PLPP5: variants seen among roughly 807,000 people sequenced by gnomAD.
PLPP5 encodes diacylglycerol pyrophosphate like 1.
Under a neutral mutation model 23.6 loss-of-function variants are expected in PLPP5, and 29 were observed. That is an observed-to-expected ratio of 1.23 (90% CI 0.92 to 1.68). The LOEUF is 1.68. Among genes scored for constraint, PLPP5 ranks in the 40% most tolerant of loss-of-function variants. The probability of loss-of-function intolerance (pLI) is 0.00; values close to 1 mark genes in which losing one functional copy is unlikely to be tolerated. For synonymous variants in PLPP5, 143 were observed against 131.3 expected (o/e 1.09, Z -0.61); for missense variants, 315 against 332.1 (o/e 0.95, Z 0.40).
chr8:38,263,637 A>T lies in PLPP5; in HGVS notation c.*807T>A, dbSNP rs905776267. 10 of 985,332 alleles carry T rather than the reference A, an allele frequency of 1.0e-5. No individual in the cohort carries two copies. In the African/African-American group the frequency reaches 1.7e-4, roughly 17 times the overall value. 61.0% of individuals were successfully genotyped at this position (985,332 alleles called of 1,614,324 possible). A position where few individuals can be genotyped will look rare whatever the true frequency, so the allele number is the denominator to read the frequency against. ...GCACACAAAAGTGATAAATTACCCT[A>T]GATTCGACATTTTCCTATTTAAGGC... is the stretch of plus-strand genomic sequence containing the variant. On this transcript the variant is annotated 3_prime_UTR_variant, in exon 7 of 7. Transcript: ENST00000424479.
chr8:38,267,173 A>G (rs15103), intron 5 of PLPP5, 94 bp downstream of exon 5: 3 of 1,607,454 alleles, frequency 1.9e-6, no homozygotes, highest in African/African-American at 2.7e-5. Context: ...TGTAGAAACA[A>G]GAGTAGTCAG....
chr8:38,264,406 T>A lies in PLPP5; in HGVS notation c.*38A>T. ...CCTCAGCCTCCCAAAGTGTTGGGAT[T>A]ACAGGCATGAGCCACCACGCCCGGC... On this transcript the variant is annotated 3_prime_UTR_variant, in exon 7 of 7. Coordinates refer to ENST00000424479, the MANE Select transcript of PLPP5 (RefSeq NM_001102559.2). 6.7e-7 allele frequency: 1 copy of A among 1,495,900 alleles called. No individual in the cohort carries two copies. 92.7% of individuals were successfully genotyped at this position (1,495,900 alleles called of 1,614,324 possible). A position where few individuals can be genotyped will look rare whatever the true frequency, so the allele number is the denominator to read the frequency against.
Position 38,268,964 on chromosome 8 carries a change from T to A in PLPP5, c.101A>T (p.Gln34Leu), listed in dbSNP as rs774979050. 6.4e-7 allele frequency: 1 copy of A among 1,566,748 alleles called. No individual in the cohort carries two copies. Among genetic ancestry groups the A allele is most frequent in the Non-Finnish European group, 8.6e-7 (1 of 1,162,272 alleles). Reference sequence around the variant, plus strand: ...CATCTCCTCCGGCTGGATGAGTCTCTGGAACGGGGGGAGCAGCTCCGTCAC... The same window carrying A: ...CATCTCCTCCGGCTGGATGAGTCTCAGGAACGGGGGGAGCAGCTCCGTCAC... Reference protein sequence around the residue: ...FLVTELLPPFQRLIQPEEMWL... With the variant: ...FLVTELLPPFLRLIQPEEMWL... The change falls in exon 2 of 7, where the codon CAG becomes CTG. Residue 34 changes from glutamine to leucine, a missense_variant. By Grantham distance (113) the Gln-to-Leu change is moderately radical (BLOSUM62 -2). Coordinates refer to ENST00000424479, the MANE Select transcript of PLPP5 (RefSeq NM_001102559.2).
chr8:38,264,437 T>A lies in PLPP5; in HGVS notation c.*7A>T, dbSNP rs1165708452. On this transcript the variant is annotated 3_prime_UTR_variant, in exon 7 of 7. Transcript: ENST00000424479. Reference sequence around the variant, plus strand: ...CATGAGCCACCACGCCCGGCCAGATTCAATTTTTAAATATCAAAACAATAA... The same window carrying A: ...CATGAGCCACCACGCCCGGCCAGATACAATTTTTAAATATCAAAACAATAA... 6.5e-7 allele frequency: 1 copy of A among 1,543,390 alleles called. No individual in the cohort carries two copies. Among genetic ancestry groups the A allele is most frequent in the East Asian group, 2.5e-5 (1 of 40,794 alleles).
At position 38,267,289 on chromosome 8, in the gene PLPP5, G is replaced by A. The variant is rs1807771712; in HGVS notation, c.441C>T (p.Ser147=). Residue 147 remains serine (S), a synonymous_variant, in exon 5 of 7, where the codon AGC becomes AGT. Transcript: ENST00000424479. ...DKDVVNEGRK[S]FPSGHSSFAF... ...TACAGGAAGAATGTCCACTGGGGAAGCTCTTTCGGCCCTCATTCACCACGT... is the reference window on the plus strand; with the variant it reads ...TACAGGAAGAATGTCCACTGGGGAAACTCTTTCGGCCCTCATTCACCACGT... 1 of 1,614,008 alleles carries A rather than the reference G, an allele frequency of 6.2e-7. No individual in the cohort carries two copies.
chr8:38,269,083 TG>T, intron 1 of PLPP5, 42 bp downstream of exon 1: 1 of 1,527,460 alleles, frequency 6.5e-7, no homozygotes, highest in Non-Finnish European at 8.8e-7. Flanking sequence ...CCCGCCTGCC[TG>T]GGAAGCGGGG....
intron 2 of PLPP5, chr8:38,268,662 A>G (rs374589728): frequency 1.4e-6 from 2 of 1,432,838 alleles, no homozygotes; most frequent in Non-Finnish European, 9.1e-7. Context: ...GCTGAGGCAC[A>G]GAGCGCCCGG....
At chr8:38,268,077 G>T in intron 3 of PLPP5, 117 bp from the exon 4 acceptor site, 1 of 1,531,530 alleles carries the variant, frequency 6.5e-7, no homozygotes, top group Admixed American at 2.2e-5. Flanking sequence ...CCAGGCCTGG[G>T]CACAAAAATA....
At chr8:38,268,791 C>A in intron 2 of PLPP5, 91 bp downstream of exon 2, 1 of 1,446,080 alleles carries the variant, frequency 6.9e-7, no homozygotes, top group South Asian at 1.5e-5. Context: ...CAGTGGGTCC[C>A]TACAAAGGCC....
chr8:38,268,038 G>A (rs1807950025), intron 3 of PLPP5, 78 bp from the exon 4 acceptor site: 4 of 1,604,944 alleles, frequency 2.5e-6, no homozygotes, highest in Admixed American at 1.7e-5. Context: ...GAGAGCAGCC[G>A]TGCTGTTTCT....
At position 38,266,134 on chromosome 8, in the gene PLPP5, T is replaced by G; in HGVS notation, c.634+7A>C. ...GCAAGCTTCCATAGCCTGAGTACTT[T>G]GCTTACCTTGCCAGTGATGCTTGTA... On this transcript the variant is annotated splice_region_variant and intron_variant, in intron 6 of 6. Coordinates refer to ENST00000424479, the MANE Select transcript of PLPP5 (RefSeq NM_001102559.2). The G allele has an allele frequency of 1.9e-6, 3 of 1,613,696 alleles. No individual in the cohort carries two copies. The highest frequency in any genetic ancestry group is 2.5e-6 in the Non-Finnish European group (3 of 1,179,692).
At chr8:38,267,566 T>G in intron 4 of PLPP5, 175 bp from the exon 5 acceptor site, 2 of 769,830 alleles carry the variant, frequency 2.6e-6, no homozygotes, top group Non-Finnish European at 4.0e-6. Flanking sequence ...AGGTGAGCAT[T>G]TAAATTAGGG....
Position 38,269,164 on chromosome 8 carries a change from G to C in PLPP5, c.36C>G (p.Ala12=), listed in dbSNP as rs1269724967. ...ACAGCGCGAGCCGCACGCCCACTTCGGCCCCAAAGGCCACCGCCGCCGCCG... is the reference window on the plus strand; with the variant it reads ...ACAGCGCGAGCCGCACGCCCACTTCCGCCCCAAAGGCCACCGCCGCCGCCG... ...GKAAAAVAFG[A]EVGVRLALFA... is the part of the protein sequence containing the mutation. Residue 12 remains alanine, a synonymous_variant, in exon 1 of 7, where the codon GCC becomes GCG. Coordinates refer to ENST00000424479, the MANE Select transcript of PLPP5 (RefSeq NM_001102559.2). The C allele has an allele frequency of 3.1e-5, 47 of 1,509,634 alleles. No individual in the cohort carries two copies. Among genetic ancestry groups the C allele is most frequent in the Middle Eastern group, 2.1e-4 (1 of 4,658 alleles). The allele number at this position is 1,509,634 out of a possible 1,614,324, so 93.5% of individuals were successfully genotyped here.
chr8:38,269,177 A>ACCG lies in PLPP5; in HGVS notation c.20_22dup (p.Ala7dup), dbSNP rs897503129. 111 of 1,505,046 alleles carry ACCG rather than the reference A, an allele frequency of 7.4e-5. No homozygotes were observed. The highest frequency in any genetic ancestry group is 6.7e-4 in the Middle Eastern group (3 of 4,490). 93.2% of individuals were successfully genotyped at this position (1,505,046 alleles called of 1,614,324 possible). On this transcript the variant is annotated inframe_insertion, in exon 1 of 7. Transcript: ENST00000424479. ...CACGCCCACTTCGGCCCCAAAGGCC[A>ACCG]CCGCCGCCGCCGCCTTCCCCATCCG...
chr8:38,268,134 C>T, intron 3 of PLPP5, 174 bp from the exon 4 acceptor site: 2 of 1,415,456 alleles, frequency 1.4e-6, no homozygotes, highest in Non-Finnish European at 9.3e-7. Context: ...AACTTTTGTA[C>T]TAGGCCAAAG....
intron 2 of PLPP5, 196 bp downstream of exon 2, chr8:38,268,686 C>T (rs1270118256): frequency 2.7e-5 from 39 of 1,432,950 alleles, no homozygotes; most frequent in Non-Finnish European, 3.3e-5. Context: ...AACGTTGTCT[C>T]AGCCCAAAGA....
Position 38,266,245 on chromosome 8 carries a change from T to G in PLPP5, c.530A>C (p.Gln177Pro). The change falls in exon 6 of 7, where the codon CAA (glutamine) becomes CCA (proline). Residue 177 changes from glutamine to proline, a missense_variant. Gln to Pro is a moderately conservative substitution (Grantham distance 76). Transcript: ENST00000424479. ...LAGKLHCFTP[Q>P]GRGKSWRFCA... ...GAACCTCCAAGATTTCCCACGGCCT[T>G]GTGGTGTGAAGCAGTGTAACTTCCC... 1 of 1,613,832 alleles carries G rather than the reference T, an allele frequency of 6.2e-7. No homozygotes were observed. Among genetic ancestry groups the G allele is most frequent in the Non-Finnish European group, 8.5e-7 (1 of 1,179,818 alleles).
chr8:38,264,653 C>T, intron 6 of PLPP5, 49 bp from the exon 7 acceptor site: 1 of 1,523,410 alleles, frequency 6.6e-7, no homozygotes, highest in Non-Finnish European at 8.8e-7. Context: ...GCTCCTAAAT[C>T]CTATTACATA....
rs1808278215 is a variant in PLPP5 at position 38,269,121 on chromosome 8, C to T, written c.74+5G>A. The T allele has an allele frequency of 6.6e-7, 1 of 1,524,516 alleles. No individual in the cohort carries two copies. Among genetic ancestry groups the T allele is most frequent in the African/African-American group, 1.4e-5 (1 of 70,804 alleles). 94.4% of individuals were successfully genotyped at this position (1,524,516 alleles called of 1,614,324 possible). A position where few individuals can be genotyped will look rare whatever the true frequency, so the allele number is the denominator to read the frequency against. On this transcript the variant is annotated splice_donor_5th_base_variant and intron_variant, in intron 1 of 6. Coordinates refer to ENST00000424479, the MANE Select transcript of PLPP5 (RefSeq NM_001102559.2). ...CGCCCGGGCCCGGCCGTGGATCTTT[C>T]TTACAGGAAGGCCGCGAACAGCGCG...
Sources: gnomAD v4.1 joint callset for allele counts on GRCh38, gnomAD v4.1.1 for gene constraint, MANE v1.5 for transcripts, NCBI Gene and HGNC (gene_info 2026-07-23, HGNC 2026-07-21) for gene names.